PDE1A: variants seen among roughly 807,000 people sequenced by gnomAD.
PDE1A encodes the protein phosphodiesterase 1A, also known as dual specificity calcium/calmodulin-dependent 3',5'-cyclic nucleotide phosphodiesterase 1A.
A neutral mutation model predicts 61.7 loss-of-function variants in PDE1A; 35 were observed. That is an observed-to-expected ratio of 0.57 (90% CI 0.43 to 0.75). The LOEUF is 0.75. PDE1A is among the 30% of genes least tolerant of loss of function. The pLI is 0.00. For synonymous variants in PDE1A, 232 were observed against 213.2 expected (o/e 1.09, Z -0.77); for missense variants, 597 against 630.6 (o/e 0.95, Z 0.57).
At chr2:182,211,731 A>G (rs1164738576) in intron 7 of PDE1A, among the ~76,000 whole-genome samples, 1 of 152,194 alleles carries the variant, frequency 6.6e-6, no homozygotes, top group Non-Finnish European at 1.5e-5. Flanking sequence ...TGTTCCATTT[A>G]TACCTAAATA....
At chr2:182,502,190 A>G (rs1689119782) in intron 2 of PDE1A, among the ~76,000 whole-genome samples, 1 of 152,190 alleles carries the variant, frequency 6.6e-6, no homozygotes, top group South Asian at 2.1e-4. Flanking sequence ...ATCTATCTGC[A>G]AATGTTCCCA....
the PDE1A span, among the ~76,000 whole-genome samples, chr2:182,594,542 ACTAAT>A: frequency 6.6e-6 from 1 of 152,222 alleles, no homozygotes; most frequent in Non-Finnish European, 1.5e-5. Context: ...ATTCTTTTTG[ACTAAT>A]CTAAGATCTA....
intron 7 of PDE1A, among the ~76,000 whole-genome samples, chr2:182,209,667 A>G (rs1687414067): frequency 6.6e-6 from 1 of 151,832 alleles, no homozygotes; most frequent in Non-Finnish European, 1.5e-5. Context: ...GTGAGTTCTC[A>G]TAAGATCTGG....
At chr2:182,169,161 G>T (rs575332414) in intron 13 of PDE1A, among the ~76,000 whole-genome samples, 1 of 152,012 alleles carries the variant, frequency 6.6e-6, no homozygotes, top group African/African-American at 2.4e-5. Context: ...CTACATATGG[G>T]TTTTAGAACA....
the PDE1A span, among the ~76,000 whole-genome samples, chr2:182,668,159 T>C: frequency 1.3e-5 from 2 of 152,130 alleles, no homozygotes; most frequent in Admixed American, 6.5e-5. Flanking sequence ...GCAGTGAGTA[T>C]TTAAGAGTAG....
intron 2 of PDE1A, among the ~76,000 whole-genome samples, chr2:182,262,955 A>ATGTGTGTGTGTGTGTG (rs60469609): frequency 5.3e-4 from 78 of 147,262 alleles, no homozygotes; most frequent in African/African-American, 1.7e-3. Context: ...TTATTAAACA[A>ATGTGTGTGTGTGTGTG]TGTGTGTGTG....
chr2:182,167,868 A>G, downstream of PDE1A: 5 of 1,025,756 alleles, frequency 4.9e-6, no homozygotes, highest in Middle Eastern at 4.6e-4. Context: ...TGACGTTTAG[A>G]AAAGGGACAA....
chr2:182,375,897 G>A (rs1297489927), intron 1 of PDE1A, among the ~76,000 whole-genome samples: 2 of 152,234 alleles, frequency 1.3e-5, no homozygotes, highest in Non-Finnish European at 2.9e-5. Context: ...AGGCTGCCAA[G>A]GGGTGGCTTG....
At chr2:182,608,086 TC>T in the PDE1A span, among the ~76,000 whole-genome samples, 2 of 152,184 alleles carry the variant, frequency 1.3e-5, no homozygotes, top group Non-Finnish European at 2.9e-5. Flanking sequence ...AAGAGTTTCC[TC>T]CGACCTTCTC....
chr2:182,449,822 G>A (rs767171493), intron 2 of PDE1A, among the ~76,000 whole-genome samples: 21 of 151,912 alleles, frequency 1.4e-4, no homozygotes, highest in Non-Finnish European at 2.4e-4. Flanking sequence ...ACTAAAATAG[G>A]CTTGAGAATA....
intron 2 of PDE1A, chr2:182,463,582 G>A (rs1686451972): frequency 1.3e-5 from 2 of 152,158 alleles, no homozygotes; most frequent in South Asian, 2.1e-4. Context: ...TAAGAAAAGA[G>A]TTGTGGAAGA....
chr2:182,269,994 A>G (rs1323082643), intron 1 of PDE1A, among the ~76,000 whole-genome samples: 1 of 152,128 alleles, frequency 6.6e-6, no homozygotes, highest in East Asian at 1.9e-4. Context: ...ATATTATCAA[A>G]GACATGAAAA....
At chr2:182,451,378 C>CAAAAAAAAAAAAAAAAAAAA (rs1219608685) in intron 2 of PDE1A, among the ~76,000 whole-genome samples, 2 of 12,298 alleles carry the variant, frequency 1.6e-4, no homozygotes, top group African/African-American at 3.3e-4. Flanking sequence ...GACTCCGTCT[C>CAAAAAAAAAAAAAAAAAAAA]AAAAAAAAAA....
chr2:182,182,660 C>A (rs528492329), intron 13 of PDE1A, among the ~76,000 whole-genome samples: 10 of 152,092 alleles, frequency 6.6e-5, no homozygotes, highest in Admixed American at 1.3e-4. Flanking sequence ...ACATTCCCCA[C>A]TCATCACATT....
chr2:182,669,306 AGTAGGGTCAGGT>A, the PDE1A span, among the ~76,000 whole-genome samples: 2 of 152,212 alleles, frequency 1.3e-5, no homozygotes, highest in Non-Finnish European at 2.9e-5. Context: ...ACAATAGCCC[AGTAGGGTCAGGT>A]GTTGCTTAAT....
chr2:182,412,061 A>C (rs1200132817), intron 1 of PDE1A, among the ~76,000 whole-genome samples: 1 of 148,334 alleles, frequency 6.7e-6, no homozygotes, highest in Non-Finnish European at 1.5e-5. Flanking sequence ...CCATCTCGAA[A>C]AAAAAAAAAA....
At chr2:182,576,290 T>A in the PDE1A span, among the ~76,000 whole-genome samples, 2 of 152,110 alleles carry the variant, frequency 1.3e-5, no homozygotes, top group African/African-American at 4.8e-5. Context: ...CTACTGTAGG[T>A]ACCTCTTACA....
the PDE1A span, among the ~76,000 whole-genome samples, chr2:182,714,623 G>A: frequency 6.6e-6 from 1 of 151,984 alleles, no homozygotes; most frequent in East Asian, 1.9e-4. Flanking sequence ...GGTGTGCAGT[G>A]GTGTGATCTT....
chr2:182,642,433 C>T, the PDE1A span, among the ~76,000 whole-genome samples: 3 of 152,232 alleles, frequency 2.0e-5, no homozygotes, highest in Admixed American at 2.0e-4. Flanking sequence ...TCCCTAAGAC[C>T]ATGTGGATTA....
Sources: gnomAD v4.1 joint callset for allele counts (sites outside exome capture counted in the v4.1 genomes callset) on GRCh38, gnomAD v4.1.1 for gene constraint, MANE v1.5 for transcripts, NCBI Gene and HGNC (gene_info 2026-07-23, HGNC 2026-07-21) for gene names.